The following GUCY2F variants were observed in gnomAD, a reference collection of about 807,000 sequenced individuals.
The protein encoded by GUCY2F is guanylate cyclase 2F, retinal.
Under a neutral mutation model 73.1 loss-of-function variants are expected in GUCY2F, and 61 were observed. The observed-to-expected ratio is 0.83, with a 90% CI of 0.68 to 1.03. GUCY2F has a LOEUF of 1.03. Among genes scored for constraint, GUCY2F ranks in the 50% least tolerant of loss-of-function variants. The pLI, the probability that GUCY2F is intolerant of heterozygous loss-of-function variation, is 0.00. For synonymous variants in GUCY2F, 331 were observed against 307.8 expected (o/e 1.08, Z -0.79); for missense variants, 912 against 854.3 (o/e 1.07, Z -0.84).
chrX:109,426,313 A>C (rs1016331169), intron 8 of GUCY2F, among the ~76,000 whole-genome samples: 5 of 112,559 alleles, frequency 4.4e-5, no homozygotes, highest in African/African-American at 1.3e-4. Flanking sequence ...ATATAGTCAA[A>C]TATAGGCACA....
intron 16 of GUCY2F, among the ~76,000 whole-genome samples, chrX:109,383,646 G>A (rs1283837665): frequency 1.8e-5 from 2 of 111,727 alleles, no homozygotes; most frequent in African/African-American, 3.3e-5. Context: ...GAGAGCACAC[G>A]CGTATACTTC....
intron 5 of GUCY2F, among the ~76,000 whole-genome samples, chrX:109,448,919 A>G (rs1932081904): frequency 8.9e-6 from 1 of 112,214 alleles, no homozygotes; most frequent in South Asian, 3.7e-4. Context: ...ATTAATTTGT[A>G]GTGAATGTAA....
intron 7 of GUCY2F, among the ~76,000 whole-genome samples, chrX:109,440,448 G>C (rs190830651): frequency 4.5e-5 from 5 of 111,728 alleles, no homozygotes; most frequent in Non-Finnish European, 7.5e-5. Context: ...CCATAGTAAG[G>C]TCCCTGTCAA....
At chrX:109,439,718 CA>C (rs1448384104) in intron 7 of GUCY2F, among the ~76,000 whole-genome samples, 1 of 112,015 alleles carries the variant, frequency 8.9e-6, no homozygotes, top group East Asian at 2.8e-4. Flanking sequence ...GGACATAATT[CA>C]GCCAAGTTAT....
intron 3 of GUCY2F, among the ~76,000 whole-genome samples, chrX:109,460,832 G>C (rs1932349138): frequency 9.0e-6 from 1 of 111,703 alleles, no homozygotes; most frequent in African/African-American, 3.2e-5. Flanking sequence ...AATTCATAAG[G>C]TATTTAATAG....
At chrX:109,391,176 G>T (rs929753612) in intron 14 of GUCY2F, among the ~76,000 whole-genome samples, 5 of 111,544 alleles carry the variant, frequency 4.5e-5, no homozygotes, top group African/African-American at 1.6e-4. Context: ...CTAGAGACAA[G>T]ACAACATATG....
At chrX:109,470,733 G>A (rs893919285) in intron 2 of GUCY2F, among the ~76,000 whole-genome samples, 15 of 111,421 alleles carry the variant, frequency 1.3e-4, no homozygotes, top group African/African-American at 4.2e-4. Context: ...AAACTCAGGA[G>A]GAGGAACCCA....
chrX:109,441,978 G>A (rs1335761039), intron 6 of GUCY2F, among the ~76,000 whole-genome samples: 1 of 111,494 alleles, frequency 9.0e-6, no homozygotes, highest in Non-Finnish European at 1.9e-5. Context: ...ATGCTGAATG[G>A]CATACTTCTT....
chrX:109,456,925 G>A (rs1190148516), intron 3 of GUCY2F, among the ~76,000 whole-genome samples: 1 of 111,556 alleles, frequency 9.0e-6, no homozygotes, highest in Admixed American at 9.5e-5. Flanking sequence ...AAAAGGTAAA[G>A]GGTGGAACAC....
chrX:109,469,342 G>A (rs1932529043), intron 2 of GUCY2F, among the ~76,000 whole-genome samples: 1 of 110,787 alleles, frequency 9.0e-6, no homozygotes. Flanking sequence ...ATATTTTCTT[G>A]AGAGAGAGTA....
chrX:109,409,471 T>C (rs1931055953), intron 8 of GUCY2F, among the ~76,000 whole-genome samples: 1 of 111,867 alleles, frequency 8.9e-6, no homozygotes, highest in African/African-American at 3.3e-5. Context: ...AGACCATTGT[T>C]GGCTTTGAAG....
In GUCY2F at chrX:109,463,940, TG is replaced by T. The variant is rs956741709; in HGVS notation, c.1032+1201del. The stretch of plus-strand genomic sequence containing the variant: ...TTTCATTGATGACATCATTGACTGC[TG>T]AATTAACCAACCCTGAAGCCCTATC... On this transcript the variant is annotated intron_variant, in intron 3 of 19. Transcript: ENST00000218006. 9.8e-5 allele frequency among the ~76,000 whole-genome samples: 11 copies of T among 112,318 alleles called. No individual in the cohort carries two copies. In the South Asian group the frequency reaches 1.1e-3, roughly 11 times the overall value.
At chrX:109,463,342 T>G (rs968700334) in intron 3 of GUCY2F, among the ~76,000 whole-genome samples, 1 of 111,480 alleles carries the variant, frequency 9.0e-6, no homozygotes, top group Non-Finnish European at 1.9e-5. Context: ...TTCCAGATTA[T>G]TGGTTTAGGC....
intron 3 of GUCY2F, among the ~76,000 whole-genome samples, chrX:109,462,592 T>C (rs767802240): frequency 3.6e-5 from 4 of 111,672 alleles, no homozygotes; most frequent in African/African-American, 9.8e-5. Flanking sequence ...TTTGCCTTAA[T>C]TACCTTATGT....
chrX:109,459,813 T>C (rs894404344), intron 3 of GUCY2F, among the ~76,000 whole-genome samples: 3 of 111,759 alleles, frequency 2.7e-5, no homozygotes, highest in Non-Finnish European at 3.8e-5. Flanking sequence ...ATATCCATCA[T>C]GCACATAAAC....
rs758898611 is a variant in GUCY2F at position 109,442,269 on chromosome X, A to G, written c.1570-787T>C. 6.3e-5 allele frequency among the ~76,000 whole-genome samples: 7 copies of G among 111,646 alleles called. No homozygotes were observed. In the South Asian group the frequency reaches 1.9e-3, roughly 30 times the overall value. The stretch of plus-strand genomic sequence containing the variant: ...GTAGACTTATTTCACATGAAGACAT[A>G]TAAGTCAACAGGTTCCTCATATTCT... On this transcript the variant is annotated intron_variant, in intron 6 of 19. Coordinates refer to ENST00000218006, the MANE Select transcript of GUCY2F (RefSeq NM_001522.3).
rs776488429 is a variant in GUCY2F, at chrX:109,475,616, C to G, written c.321G>C (p.Ser107=). The G allele has an allele frequency of 2.5e-6, 3 of 1,209,089 alleles. No homozygotes were observed. Among genetic ancestry groups the G allele is most frequent in the Admixed American group, 2.2e-5 (1 of 46,020 alleles). Residue 107 remains serine (S), a synonymous_variant, in exon 2 of 20, where the codon TCG becomes TCC. Coordinates refer to ENST00000218006, the MANE Select transcript of GUCY2F (RefSeq NM_001522.3). ...YVILNEDCQT[S]RALSSFISHH... Reference sequence around the variant, plus strand: ...GGGAAATGAAACTGGAGAGAGCCCTCGAAGTCTGGCAGTCTTCATTGAGAA... The same window carrying G: ...GGGAAATGAAACTGGAGAGAGCCCTGGAAGTCTGGCAGTCTTCATTGAGAA...
intron 15 of GUCY2F, 74 bp downstream of exon 15, chrX:109,388,415 A>C (rs1032080847): frequency 8.5e-6 from 7 of 822,032 alleles, no homozygotes; most frequent in Non-Finnish European, 1.2e-5. Context: ...GGGGAGAGCT[A>C]TCTTTTTCCC....
chrX:109,459,562 G>T lies in GUCY2F; in HGVS notation c.1032+5580C>A, dbSNP rs143969018. Among the ~76,000 whole-genome samples the T allele has an allele frequency of 1.9e-3, 216 of 111,277 alleles. 1 individual carries two copies. Among genetic ancestry groups the T allele is most frequent in the African/African-American group, 6.9e-3 (211 of 30,667 alleles). ...CGAAAAGGAAGTTGGAAATGAGGTG[G>T]AGCACAAAAAAACAGTGATGAAGTT... is the stretch of plus-strand genomic sequence containing the variant. On this transcript the variant is annotated intron_variant, in intron 3 of 19. Coordinates refer to ENST00000218006, the MANE Select transcript of GUCY2F (RefSeq NM_001522.3).
Sources: allele counts gnomAD v4.1 joint callset (sites outside exome capture counted in the v4.1 genomes callset), GRCh38; gene constraint gnomAD v4.1.1; transcripts MANE v1.5; gene names NCBI Gene and HGNC (gene_info 2026-07-23, HGNC 2026-07-21).